Variants in TAX1BP1 observed in about 807,000 individuals in gnomAD.
The protein encoded by TAX1BP1 is tax1-binding protein 1.
TAX1BP1 carries 62 observed loss-of-function variants against 97.7 expected under a neutral mutation model. That is an observed-to-expected ratio of 0.63 (90% CI 0.52 to 0.78). The LOEUF (loss-of-function observed/expected upper bound fraction) is 0.78, where lower values mean the gene tolerates loss of function less well. Among genes scored for constraint, TAX1BP1 ranks in the 30% least tolerant of loss-of-function variants. TAX1BP1 has a pLI of 0.00. For missense variants in TAX1BP1, 867 were observed against 916.1 expected (o/e 0.95, Z 0.69); for synonymous variants, 340 against 304.2 (o/e 1.12, Z -1.23).
At chr7:27,751,724 A>G (rs1788025746) in intron 2 of TAX1BP1, among the ~76,000 whole-genome samples, 1 of 152,130 alleles carries the variant, frequency 6.6e-6, no homozygotes, top group African/African-American at 2.4e-5. Flanking sequence ...CTGGGTAGCA[A>G]TTGTAAGGGA....
intron 3 of TAX1BP1, among the ~76,000 whole-genome samples, chr7:27,762,073 T>A (rs1329679481): frequency 6.6e-6 from 1 of 152,168 alleles, no homozygotes; most frequent in Non-Finnish European, 1.5e-5. Flanking sequence ...ATATGTTTGG[T>A]CTAAACATTA....
At chr7:27,755,597 A>G (rs572199147) in intron 2 of TAX1BP1, among the ~76,000 whole-genome samples, 1 of 152,316 alleles carries the variant, frequency 6.6e-6, no homozygotes, top group South Asian at 2.1e-4. Context: ...TGTTAATCCT[A>G]TTTAAAAGGA....
intron 13 of TAX1BP1, chr7:27,803,044 T>C: frequency 6.8e-7 from 1 of 1,474,686 alleles, no homozygotes; most frequent in East Asian, 2.5e-5. Flanking sequence ...ATAAACCAGA[T>C]CTCAAAGTTG....
At chr7:27,802,469 T>C (rs967898250) in intron 13 of TAX1BP1, among the ~76,000 whole-genome samples, 9 of 152,216 alleles carry the variant, frequency 5.9e-5, no homozygotes, top group Non-Finnish European at 1.0e-4. Context: ...TGTATTTGTA[T>C]CCATTAATGC....
chr7:27,787,750 C>A, intron 8 of TAX1BP1, 147 bp downstream of exon 8: 2 of 667,850 alleles, frequency 3.0e-6, no homozygotes, highest in Non-Finnish European at 4.7e-6. Context: ...ACAATGAATA[C>A]TGATGTACCC....
At chr7:27,748,777 C>T in intron 2 of TAX1BP1, 91 bp downstream of exon 2, 1 of 994,024 alleles carries the variant, frequency 1.0e-6, no homozygotes, top group Admixed American at 3.5e-5. Context: ...TGCCTTAACT[C>T]TGCATTAAGA....
intron 9 of TAX1BP1, among the ~76,000 whole-genome samples, chr7:27,792,572 A>G (rs137926087): frequency 1.3e-5 from 2 of 152,246 alleles, no homozygotes; most frequent in East Asian, 3.9e-4. Context: ...CAGGAGGTGG[A>G]TTATTTTTCT....
intron 8 of TAX1BP1, 148 bp from the exon 9 acceptor site, chr7:27,791,857 GT>G: frequency 1.5e-6 from 1 of 677,116 alleles, no homozygotes; most frequent in Non-Finnish European, 2.5e-6. Flanking sequence ...TACTTCTTAA[GT>G]TTTTTGTAGG....
chr7:27,777,064 T>C (rs73684051), intron 5 of TAX1BP1, among the ~76,000 whole-genome samples: 2,329 of 152,276 alleles, frequency 0.015, 54 homozygotes, highest in African/African-American at 0.053. Flanking sequence ...CTTGAACATA[T>C]GGAATACACA....
chr7:27,748,710 T>C, intron 2 of TAX1BP1, 24 bp downstream of exon 2: 1 of 1,480,748 alleles, frequency 6.8e-7, no homozygotes, highest in Non-Finnish European at 9.1e-7. Context: ...CTGAATATGT[T>C]CTCCATGTAA....
At chr7:27,769,531 G>C in intron 4 of TAX1BP1, 145 bp from the exon 5 acceptor site, 1 of 595,852 alleles carries the variant, frequency 1.7e-6, no homozygotes, top group East Asian at 3.1e-5. Flanking sequence ...CTAAAAAAAG[G>C]CTGATTGATA....
chr7:27,808,107 A>T lies in TAX1BP1; in HGVS notation c.1764+8017A>T, dbSNP rs184118277. 1.4e-3 allele frequency among the ~76,000 whole-genome samples: 219 copies of T among 152,232 alleles called. 3 individuals carry two copies. The highest frequency in any genetic ancestry group is 5.0e-3 in the African/African-American group (209 of 41,538). On this transcript the variant is annotated intron_variant, in intron 13 of 16. Transcript: ENST00000396319. ...TTCTCCAAGGAGCCCTGTTCCATTTACTGGTGTATGTAGTTTAGAAACCAA... is the reference window on the plus strand; with the variant it reads ...TTCTCCAAGGAGCCCTGTTCCATTTTCTGGTGTATGTAGTTTAGAAACCAA...
rs771142835 is a variant in TAX1BP1, at chr7:27,828,837, T to G, written c.*8T>G. The G allele has an allele frequency of 5.6e-6, 9 of 1,602,194 alleles. No individual in the cohort carries two copies. The African/African-American group carries it at 1.2e-4, about 22-fold the overall frequency. ...GTTCTAAATTTTGACTAGTTACTTTTTATTATGAGTTAATATAGTTTAGCA... is the reference window on the plus strand; with the variant it reads ...GTTCTAAATTTTGACTAGTTACTTTGTATTATGAGTTAATATAGTTTAGCA... On this transcript the variant is annotated 3_prime_UTR_variant, in exon 17 of 17. Coordinates refer to ENST00000396319, the MANE Select transcript of TAX1BP1 (RefSeq NM_006024.7).
At chr7:27,772,568 A>C (rs1310976727) in intron 5 of TAX1BP1, 1 of 152,056 alleles carries the variant, frequency 6.6e-6, no homozygotes, top group East Asian at 1.9e-4. Context: ...AAAGTGAATT[A>C]AATTCTGTAA....
At chr7:27,819,131 AATG>A (rs1409935353) in intron 15 of TAX1BP1, among the ~76,000 whole-genome samples, 1 of 152,112 alleles carries the variant, frequency 6.6e-6, no homozygotes, top group Non-Finnish European at 1.5e-5. Flanking sequence ...CCGATGAAAG[AATG>A]ATGTTATTTC....
intron 5 of TAX1BP1, among the ~76,000 whole-genome samples, chr7:27,779,767 C>A (rs1375053254): frequency 6.6e-6 from 1 of 152,144 alleles, no homozygotes; most frequent in Non-Finnish European, 1.5e-5. Flanking sequence ...ATTTGCTTTG[C>A]ATGATTATTC....
intron 5 of TAX1BP1, among the ~76,000 whole-genome samples, chr7:27,776,988 G>A (rs188048466): frequency 1.6e-3 from 242 of 151,856 alleles, no homozygotes; most frequent in Non-Finnish European, 2.6e-3. Context: ...CTAGAAGTTT[G>A]ATTTGAGTCT....
At chr7:27,813,335 G>GTTTTC (rs1429823788) in intron 13 of TAX1BP1, among the ~76,000 whole-genome samples, 1 of 148,436 alleles carries the variant, frequency 6.7e-6, no homozygotes, top group African/African-American at 2.5e-5. Context: ...ATTTTTTCTT[G>GTTTTC]TTTTCTTTTC....
intron 5 of TAX1BP1, among the ~76,000 whole-genome samples, chr7:27,771,559 C>G (rs996793377): frequency 6.6e-6 from 1 of 151,968 alleles, no homozygotes; most frequent in East Asian, 1.9e-4. Context: ...CTCAGATTCT[C>G]TGTGCTCTCC....
Sources: allele counts gnomAD v4.1 joint callset (sites outside exome capture counted in the v4.1 genomes callset), GRCh38; gene constraint gnomAD v4.1.1; transcripts MANE v1.5; gene names NCBI Gene and HGNC (gene_info 2026-07-23, HGNC 2026-07-21).